The following CEP112 variants were observed in gnomAD, a reference collection of about 807,000 sequenced individuals.
CEP112 encodes the protein centrosomal protein 112.
A neutral mutation model predicts 153.0 loss-of-function variants in CEP112; 127 were observed. That is an observed-to-expected ratio of 0.83 (90% CI 0.72 to 0.96). The LOEUF (loss-of-function observed/expected upper bound fraction) is 0.96, where lower values mean the gene tolerates loss of function less well. Among genes scored for constraint, CEP112 ranks in the 40% least tolerant of loss-of-function variants. The pLI, the probability that CEP112 is intolerant of heterozygous loss-of-function variation, is 0.00. For missense variants in CEP112, 1,089 were observed against 1,101.2 expected (o/e 0.99, Z 0.16); for synonymous variants, 358 against 374.4 (o/e 0.96, Z 0.51).
intron 8 of CEP112, 22 bp from the exon 9 acceptor site, chr17:66,070,023 GGT>G: frequency 6.9e-7 from 1 of 1,444,452 alleles, no homozygotes; most frequent in Non-Finnish European, 9.6e-7. Flanking sequence ...ATATTTCAAG[GGT>G]GTTATTAATT....
intron 17 of CEP112, among the ~76,000 whole-genome samples, chr17:65,985,456 G>T (rs535684749): frequency 1.5e-4 from 23 of 152,318 alleles, no homozygotes; most frequent in African/African-American, 5.5e-4. Flanking sequence ...AGTGGTGGAT[G>T]ACAGGAGAGG....
At chr17:66,102,219 C>T (rs2068593490) in intron 6 of CEP112, among the ~76,000 whole-genome samples, 1 of 152,076 alleles carries the variant, frequency 6.6e-6, no homozygotes, top group African/African-American at 2.4e-5. Context: ...TACCATGTGC[C>T]AGGTACTTTG....
At chr17:65,887,479 G>A (rs978789833) in intron 20 of CEP112, among the ~76,000 whole-genome samples, 2 of 152,174 alleles carry the variant, frequency 1.3e-5, no homozygotes. Context: ...AGGACCAATA[G>A]ATTTTAAGTA....
chr17:65,707,125 C>T (rs191933789), intron 23 of CEP112, among the ~76,000 whole-genome samples: 88 of 152,234 alleles, frequency 5.8e-4, no homozygotes, highest in African/African-American at 1.9e-3. Context: ...TCCATTCCTC[C>T]GGGCTCCCCT....
At chr17:65,924,068 C>T (rs1160323866) in intron 19 of CEP112, among the ~76,000 whole-genome samples, 1 of 152,126 alleles carries the variant, frequency 6.6e-6, no homozygotes, top group Non-Finnish European at 1.5e-5. Flanking sequence ...ACTCCACCTC[C>T]CAGGTTCACA....
At chr17:65,779,125 G>A (rs2053859658) in intron 21 of CEP112, among the ~76,000 whole-genome samples, 2 of 152,076 alleles carry the variant, frequency 1.3e-5, no homozygotes, top group Non-Finnish European at 2.9e-5. Context: ...ACCTTTTAAA[G>A]ACATAATTTA....
intron 16 of CEP112, among the ~76,000 whole-genome samples, chr17:66,012,101 G>A (rs1328424856): frequency 6.6e-6 from 1 of 152,004 alleles, no homozygotes; most frequent in Non-Finnish European, 1.5e-5. Context: ...TTTACTTTGA[G>A]CCTATGGGTG....
intron 12 of CEP112, among the ~76,000 whole-genome samples, chr17:66,032,104 CA>C (rs1185261422): frequency 6.6e-6 from 1 of 152,096 alleles, no homozygotes; most frequent in Non-Finnish European, 1.5e-5. Context: ...CAGGTTCAAG[CA>C]ATTCTCCTGC....
chr17:65,830,959 T>A (rs1050021410), intron 21 of CEP112, among the ~76,000 whole-genome samples: 1 of 152,170 alleles, frequency 6.6e-6, no homozygotes, highest in Non-Finnish European at 1.5e-5. Context: ...GGCAGGGCAA[T>A]GAGTTTGTTC....
chr17:66,069,610 G>A (rs886980967), intron 9 of CEP112, among the ~76,000 whole-genome samples: 1 of 151,894 alleles, frequency 6.6e-6, no homozygotes, highest in African/African-American at 2.4e-5. Context: ...TTTCATGAAA[G>A]GTAATGACAG....
intron 18 of CEP112, among the ~76,000 whole-genome samples, chr17:65,936,501 T>C (rs1484079208): frequency 2.0e-5 from 3 of 151,956 alleles, no homozygotes; most frequent in African/African-American, 4.8e-5. Context: ...CTAATGAACA[T>C]AGATGCAAAA....
chr17:66,168,183 T>G (rs992925333), intron 4 of CEP112, among the ~76,000 whole-genome samples: 1 of 152,038 alleles, frequency 6.6e-6, no homozygotes, highest in Non-Finnish European at 1.5e-5. Flanking sequence ...AAATGTACAC[T>G]CCAAACTAGT....
chr17:66,177,143 G>C, intron 2 of CEP112, 123 bp from the exon 3 acceptor site: 2 of 733,556 alleles, frequency 2.7e-6, no homozygotes, highest in Non-Finnish European at 4.3e-6. Context: ...TTCTGTTAAA[G>C]GCCAGAGAGT....
chr17:66,097,434 T>C (rs902527874), intron 6 of CEP112, among the ~76,000 whole-genome samples: 1 of 152,182 alleles, frequency 6.6e-6, no homozygotes, highest in Admixed American at 6.6e-5. Flanking sequence ...GCAGAGACCA[T>C]GACTGCCCTG....
chr17:65,886,895 G>C (rs896284495), intron 20 of CEP112, among the ~76,000 whole-genome samples: 1 of 152,068 alleles, frequency 6.6e-6, no homozygotes, highest in African/African-American at 2.4e-5. Context: ...TAACATTAAT[G>C]CTTACTCAAA....
intron 19 of CEP112, among the ~76,000 whole-genome samples, chr17:65,916,700 C>T (rs2060505817): frequency 1.3e-5 from 2 of 148,930 alleles, no homozygotes; most frequent in Non-Finnish European, 3.0e-5. Context: ...GTGCAAGCCA[C>T]CATGCCAGTC....
At chr17:65,863,162 CA>C (rs66490778) in intron 20 of CEP112, among the ~76,000 whole-genome samples, 21,931 of 151,778 alleles carry the variant, frequency 0.14, 1,633 homozygotes, top group African/African-American at 0.17. Context: ...CTTATAAATT[CA>C]AAAAAATACA....
At chr17:65,704,420 TAC>T (rs3074178) in intron 23 of CEP112, among the ~76,000 whole-genome samples, 17,109 of 147,542 alleles carry the variant, frequency 0.12, 1,071 homozygotes, top group Admixed American at 0.21. Flanking sequence ...ACGTGTAAAA[TAC>T]ACACACACAC....
At chr17:66,133,454 C>A (rs2070293198) in intron 4 of CEP112, among the ~76,000 whole-genome samples, 3 of 152,110 alleles carry the variant, frequency 2.0e-5, no homozygotes, top group African/African-American at 7.2e-5. Context: ...ATATCAAAAT[C>A]TTCTATTTAA....
Sources: allele counts gnomAD v4.1 joint callset (sites outside exome capture counted in the v4.1 genomes callset), GRCh38; gene constraint gnomAD v4.1.1; transcripts MANE v1.5; gene names NCBI Gene and HGNC (gene_info 2026-07-23, HGNC 2026-07-21).